The following PRKAR1A variants were observed in gnomAD, a reference collection of about 807,000 sequenced individuals.
The protein encoded by PRKAR1A is protein kinase cAMP-dependent type I regulatory subunit alpha, also known as cAMP-dependent protein kinase type I-alpha regulatory subunit.
Under a neutral mutation model 52.0 loss-of-function variants are expected in PRKAR1A, and 3 were observed. That is an observed-to-expected ratio of 0.06 (90% confidence interval 0.03 to 0.15). The LOEUF (loss-of-function observed/expected upper bound fraction) is 0.15. Ranked by LOEUF, PRKAR1A falls within the 10% of genes least tolerant of loss-of-function variation. The pLI, the probability that PRKAR1A is intolerant of heterozygous loss-of-function variation, is 1.00. For synonymous variants in PRKAR1A, 188 were observed against 168.4 expected, an observed-to-expected ratio of 1.12 and a Z score of -0.90; for missense variants, 240 against 477.4, an observed-to-expected ratio of 0.50 and a Z score of 4.63.
the PRKAR1A span, among the ~76,000 whole-genome samples, chr17:68,460,659 TA>T: frequency 2.0e-5 from 3 of 152,272 alleles, no homozygotes; most frequent in Non-Finnish European, 4.4e-5. Context: ...TCTGTATTTT[TA>T]TATAAATCTG....
At chr17:68,433,259 C>T in the PRKAR1A span, among the ~76,000 whole-genome samples, 24 of 152,356 alleles carry the variant, frequency 1.6e-4, no homozygotes, top group African/African-American at 4.8e-4. Flanking sequence ...AGAGCCAGGA[C>T]GTGAACTCAC....
chr17:68,512,539 C>A lies in PRKAR1A; in HGVS notation c.-16C>A, dbSNP rs886053305. 82 of 154,822 alleles carry A rather than the reference C, an allele frequency of 5.3e-4. No individual in the cohort carries two copies. Among genetic ancestry groups the A allele is most frequent in the Non-Finnish European group, 3.4e-4 (24 of 69,720 alleles). 9.6% of individuals were successfully genotyped at this position (154,822 alleles called of 1,614,324 possible). On this transcript the variant is annotated 5_prime_UTR_variant, in exon 1 of 11. Coordinates refer to ENST00000589228, the MANE Select transcript of PRKAR1A (RefSeq NM_002734.5). ...CCCGCAGCCTCGCGCCCGCCGCCGC[C>A]CGTCCCCAGGTGAGTGGGGTCGGCC...
downstream of PRKAR1A, chr17:68,535,731 C>T (rs554720320): frequency 1.8e-4 from 80 of 450,142 alleles, no homozygotes; most frequent in Non-Finnish European, 3.1e-4. Flanking sequence ...AGGCTGGTCT[C>T]GAGCTCCTGA....
downstream of PRKAR1A, among the ~76,000 whole-genome samples, chr17:68,537,931 C>G (rs1354016817): frequency 6.6e-6 from 1 of 152,156 alleles, no homozygotes; most frequent in Non-Finnish European, 1.5e-5. The surrounding 1 kb of genome is among the most constrained non-coding windows in gnomAD (Gnocchi z 4.2). Flanking sequence ...ATCCTGCAGT[C>G]CTTTGCCCAA....
At chr17:68,537,621 G>A, downstream of PRKAR1A, 1 of 1,613,802 alleles carries the variant, frequency 6.2e-7, no homozygotes, top group Non-Finnish European at 8.5e-7. The surrounding 1 kb of genome is among the most constrained non-coding windows in gnomAD (Gnocchi z 4.2). Context: ...GGGCAAGGAG[G>A]TGGGGTTCAG....
chr17:68,426,244 GGGA>G, the PRKAR1A span: 8 of 985,740 alleles, frequency 8.1e-6, no homozygotes, highest in Admixed American at 4.3e-5. Context: ...CTGGCGGGTG[GGGA>G]GCGGGGGCTC....
downstream of PRKAR1A, chr17:68,535,349 CA>C: frequency 2.2e-6 from 1 of 454,072 alleles, no homozygotes; most frequent in Non-Finnish European, 4.4e-6. Context: ...TAGAGTGCAG[CA>C]AAATGTGTAT....
At chr17:68,457,392 C>G in the PRKAR1A span, 1 of 1,534,764 alleles carries the variant, frequency 6.5e-7, no homozygotes, top group South Asian at 1.2e-5. Context: ...CAACCCCGCC[C>G]GGGGGAGCGT....
the PRKAR1A span, chr17:68,450,706 C>A: frequency 6.3e-7 from 1 of 1,596,584 alleles, no homozygotes; most frequent in Non-Finnish European, 8.5e-7. Flanking sequence ...GCTTTGAAAC[C>A]CTGAGGGATT....
rs2143156154 is a variant in PRKAR1A, at chr17:68,515,718, A to G, written c.177+142A>G. 16 of 1,037,756 alleles carry G rather than the reference A, an allele frequency of 1.5e-5. No individual in the cohort carries two copies. In the South Asian group the frequency reaches 2.2e-4, roughly 14 times the overall value. The allele number at this position is 1,037,756 out of a possible 1,614,324, so 64.3% of individuals were successfully genotyped here. On this transcript the variant is annotated intron_variant, in intron 2 of 10. Coordinates refer to ENST00000589228, the MANE Select transcript of PRKAR1A (RefSeq NM_002734.5). ...TAAAACAATTTCAAATAAGAAATACAGTTAAGGCATTTGTAGTAATTTAAA... is the reference window on the plus strand; with the variant it reads ...TAAAACAATTTCAAATAAGAAATACGGTTAAGGCATTTGTAGTAATTTAAA...
the PRKAR1A span, chr17:68,430,038 C>T: frequency 1.1e-3 from 1,705 of 1,614,146 alleles, 26 homozygotes; most frequent in African/African-American, 0.021. Context: ...GAAGTTCAAG[C>T]GTGCAGTGGC....
intron 5 of PRKAR1A, 118 bp from the exon 6 acceptor site, chr17:68,524,794 T>C: frequency 1.2e-6 from 1 of 804,676 alleles, no homozygotes; most frequent in Non-Finnish European, 2.1e-6. Context: ...AAAGATTGTG[T>C]TAGTTTGTAA....
chr17:68,522,607 T>TC, intron 2 of PRKAR1A, 149 bp from the exon 3 acceptor site: 1 of 826,084 alleles, frequency 1.2e-6, no homozygotes, highest in South Asian at 1.5e-5. Context: ...TCTCTTTTTT[T>TC]CCCCTTTGGA....
chr17:68,535,240 T>C (rs1290026681), downstream of PRKAR1A: 1 of 451,178 alleles, frequency 2.2e-6, no homozygotes, highest in African/African-American at 2.0e-5. Flanking sequence ...CTTAATTTTG[T>C]TACTAATCAA....
the PRKAR1A span, chr17:68,436,381 C>T: frequency 6.8e-6 from 11 of 1,613,642 alleles, no homozygotes; most frequent in African/African-American, 1.3e-5. Flanking sequence ...CGTCAACTTA[C>T]CAGGGAGTTT....
downstream of PRKAR1A, chr17:68,537,587 G>C: frequency 6.2e-7 from 1 of 1,613,648 alleles, no homozygotes; most frequent in Non-Finnish European, 8.5e-7. The surrounding 1 kb of genome is among the most constrained non-coding windows in gnomAD (Gnocchi z 4.2). Flanking sequence ...ACTGTCCTTA[G>C]GATGGTTTGG....
chr17:68,423,935 A>G, the PRKAR1A span, among the ~76,000 whole-genome samples: 4 of 152,222 alleles, frequency 2.6e-5, no homozygotes, highest in East Asian at 7.7e-4. The surrounding 1 kb of genome is among the most constrained non-coding windows in gnomAD (Gnocchi z 4.4). Flanking sequence ...AAATTAGTGA[A>G]ACGGAACCTA....
intron 11 of PRKAR1A, chr17:68,540,894 G>T (rs149139420): frequency 3.7e-6 from 6 of 1,605,208 alleles, no homozygotes; most frequent in Non-Finnish European, 5.1e-6. Flanking sequence ...TTGAGGAGCC[G>T]CTGGCTGTTG....
At chr17:68,550,090 G>T (rs2086762892) in intron 11 of PRKAR1A, among the ~76,000 whole-genome samples, 2 of 152,116 alleles carry the variant, frequency 1.3e-5, no homozygotes, top group Non-Finnish European at 2.9e-5. Flanking sequence ...GGTGATGGGG[G>T]AGGGGAGTGG....
Sources: allele counts gnomAD v4.1 joint callset (sites outside exome capture counted in the v4.1 genomes callset), GRCh38; gene constraint gnomAD v4.1.1; non-coding constraint Gnocchi (gnomAD v3.1); transcripts MANE v1.5; gene names NCBI Gene and HGNC (gene_info 2026-07-23, HGNC 2026-07-21).